The following MBIP variants were observed in gnomAD, a reference collection of about 807,000 sequenced individuals.
The protein encoded by MBIP is MAP3K12 binding inhibitory protein 1.
In MBIP, 32 loss-of-function variants were observed where a neutral mutation model predicts 45.7. That is an observed-to-expected ratio of 0.70 (90% confidence interval 0.53 to 0.94). The LOEUF is 0.94. Among genes scored for constraint, MBIP ranks in the 40% least tolerant of loss-of-function variants. The pLI is 0.00. For missense variants in MBIP, 381 were observed against 405.5 expected (o/e 0.94, Z 0.52); for synonymous variants, 145 against 141.0 (o/e 1.03, Z -0.20).
At chr14:36,299,706 T>A (rs1879421684) in intron 8 of MBIP, among the ~76,000 whole-genome samples, 1 of 152,192 alleles carries the variant, frequency 6.6e-6, no homozygotes, top group African/African-American at 2.4e-5. Context: ...AAAAAAATCA[T>A]TTGAGACATC....
intron 8 of MBIP, among the ~76,000 whole-genome samples, chr14:36,300,072 A>C (rs1879444208): frequency 6.6e-6 from 1 of 152,200 alleles, no homozygotes; most frequent in Non-Finnish European, 1.5e-5. Context: ...TTGTATTTTT[A>C]AAGCAGCAAC....
chr14:36,312,738 T>C (rs891624272), intron 4 of MBIP, among the ~76,000 whole-genome samples: 2 of 152,182 alleles, frequency 1.3e-5, no homozygotes, highest in African/African-American at 4.8e-5. Context: ...TGGAAAGATG[T>C]TAACATATAA....
At chr14:36,302,324 C>T (rs984309646) in intron 7 of MBIP, among the ~76,000 whole-genome samples, 1 of 151,974 alleles carries the variant, frequency 6.6e-6, no homozygotes, top group Non-Finnish European at 1.5e-5. Flanking sequence ...AACCCAGTCT[C>T]TACTAAAAAC....
intron 4 of MBIP, among the ~76,000 whole-genome samples, chr14:36,312,342 AT>A (rs1348132731): frequency 6.6e-6 from 1 of 152,170 alleles, no homozygotes; most frequent in African/African-American, 2.4e-5. Flanking sequence ...ATAATCTACC[AT>A]AGAGTATTTA....
intron 1 of MBIP, among the ~76,000 whole-genome samples, chr14:36,318,186 C>CTA (rs1880689571): frequency 6.6e-6 from 1 of 151,964 alleles, no homozygotes; most frequent in Non-Finnish European, 1.5e-5. Context: ...TCAAGGAGAT[C>CTA]TATAGTTGAT....
intron 4 of MBIP, among the ~76,000 whole-genome samples, chr14:36,312,617 G>A (rs1880275878): frequency 6.6e-6 from 1 of 151,944 alleles, no homozygotes; most frequent in African/African-American, 2.4e-5. Context: ...TTTCAAAAAA[G>A]TTTCATTTTA....
At position 36,314,601 on chromosome 14, in the gene MBIP, CT is replaced by C. The variant is rs1208710688; in HGVS notation, c.481del (p.Arg161AspfsTer51). 1.2e-6 allele frequency: 2 copies of C among 1,609,942 alleles called. No homozygotes were observed. The highest frequency in any genetic ancestry group is 2.7e-5 in the African/African-American group (2 of 74,694). On this transcript the variant is annotated frameshift_variant, in exon 4 of 9. Transcript: ENST00000416007. LOFTEE classifies it high-confidence loss of function. ...QIKAGKAEID[R>X]RISAFIERKQ... ...TCTTTCAATAAATGCAGATATTCGT[CT>C]GTCAATCTACAAACAACAAGTTTTA... is the stretch of plus-strand genomic sequence containing the variant.
chr14:36,300,791 TG>T lies in MBIP; in HGVS notation c.920del (p.Pro307HisfsTer70). On this transcript the variant is annotated frameshift_variant, in exon 8 of 9. Coordinates refer to ENST00000416007, the MANE Select transcript of MBIP (RefSeq NM_016586.3). LOFTEE classifies it high-confidence loss of function. ...SFSGKRRKVQ[P>X]PQQNYSLAEL... ...TGAAAATGCAGTAACTTACTTGAGGTGGTTGAACTTTTCTTCTTTTTCCAGA... is the reference window on the plus strand; with the variant it reads ...TGAAAATGCAGTAACTTACTTGAGGTGTTGAACTTTTCTTCTTTTTCCAGA... The T allele has an allele frequency of 6.4e-7, 1 of 1,556,970 alleles. No homozygotes were observed. Among genetic ancestry groups the T allele is most frequent in the African/African-American group, 1.4e-5 (1 of 72,238 alleles).
At chr14:36,317,226 G>T (rs923777564) in intron 1 of MBIP, among the ~76,000 whole-genome samples, 1 of 152,122 alleles carries the variant, frequency 6.6e-6, no homozygotes, top group African/African-American at 2.4e-5. Context: ...AGTGTTTTGT[G>T]AAAGTTTTAA....
At chr14:36,312,203 A>C (rs1048529507) in intron 4 of MBIP, among the ~76,000 whole-genome samples, 179 bp from the exon 5 acceptor site, 2 of 152,100 alleles carry the variant, frequency 1.3e-5, no homozygotes, top group African/African-American at 4.8e-5. Context: ...TTTACCTGTC[A>C]AAATTTATCA....
At chr14:36,305,303 G>A (rs1292121944) in intron 7 of MBIP, 3 of 152,144 alleles carry the variant, frequency 2.0e-5, no homozygotes, top group African/African-American at 4.8e-5. Flanking sequence ...ATGTTCACAG[G>A]CCTAAAGGAC....
chr14:36,316,849 C>T, intron 1 of MBIP, 37 bp from the exon 2 acceptor site: 1 of 1,582,112 alleles, frequency 6.3e-7, no homozygotes, highest in Non-Finnish European at 8.6e-7. Flanking sequence ...ACAAAAATTA[C>T]ACGATTAAGC....
rs1879349739 is a variant in MBIP at position 36,298,714 on chromosome 14, C to A, written c.*369G>T. 1 of 162,224 alleles carries A rather than the reference C, an allele frequency of 6.2e-6. No homozygotes were observed. Among genetic ancestry groups the A allele is most frequent in the African/African-American group, 2.4e-5 (1 of 41,644 alleles). 10.0% of individuals were successfully genotyped at this position (162,224 alleles called of 1,614,324 possible). The stretch of plus-strand genomic sequence containing the variant: ...CAAAGTACTGATTTAAACTAATAAA[C>A]TGGTTAACATCAATGTTACAAATAT... On this transcript the variant is annotated 3_prime_UTR_variant, in exon 9 of 9. Coordinates refer to ENST00000416007, the MANE Select transcript of MBIP (RefSeq NM_016586.3).
chr14:36,314,725 G>A lies in MBIP; in HGVS notation c.440C>T (p.Pro147Leu). The A allele has an allele frequency of 6.2e-7, 1 of 1,613,444 alleles. No homozygotes were observed. The highest frequency in any genetic ancestry group is 8.5e-7 in the Non-Finnish European group (1 of 1,179,674). ...TCCAGCCTTTATCTGAACTACTTCT[G>A]GATCAAAATGGATCTGTGTCTTTTT... ...DVKKTQIHFD[P>L]EVVQIKAGKA... The change falls in exon 3 of 9, where the codon CCA (proline) becomes CTA (leucine). Residue 147 changes from proline (P) to leucine (L), a missense_variant. Pro to Leu is a moderately conservative substitution (Grantham distance 98, BLOSUM62 -3). Coordinates refer to ENST00000416007, the MANE Select transcript of MBIP (RefSeq NM_016586.3).
At position 36,308,116 on chromosome 14, in the gene MBIP, G is replaced by C; in HGVS notation, c.864C>G (p.Ile288Met). The change falls in exon 7 of 9, where the codon ATC becomes ATG. Residue 288 changes from isoleucine (I) to methionine (M), a missense_variant. Ile to Met is a conservative substitution (Grantham distance 10). Coordinates refer to ENST00000416007, the MANE Select transcript of MBIP (RefSeq NM_016586.3). ...CTACAGACTGAAAATATTCAGGAGA[G>C]ATGCCTTCCAATTCAAGGATTTTAT... Reference protein sequence around the residue: ...LEDKILELEGISPEYFQSVSF... With the variant: ...LEDKILELEGMSPEYFQSVSF... 1 of 1,591,350 alleles carries C rather than the reference G, an allele frequency of 6.3e-7. No homozygotes were observed. The highest frequency in any genetic ancestry group is 8.6e-7 in the Non-Finnish European group (1 of 1,162,178).
intron 1 of MBIP, among the ~76,000 whole-genome samples, chr14:36,317,534 G>T (rs986616565): frequency 7.2e-5 from 11 of 152,086 alleles, no homozygotes; most frequent in African/African-American, 2.7e-4. Context: ...ATGCTAAGAT[G>T]TGACAGCTCA....
chr14:36,312,457 G>T (rs1880268454), intron 4 of MBIP, among the ~76,000 whole-genome samples: 1 of 152,000 alleles, frequency 6.6e-6, no homozygotes. Flanking sequence ...CCAACAAAAA[G>T]AATTATTTAA....
intron 2 of MBIP, among the ~76,000 whole-genome samples, chr14:36,315,255 A>G (rs1880499299): frequency 6.6e-6 from 1 of 152,148 alleles, no homozygotes; most frequent in South Asian, 2.1e-4. Context: ...CAAAGCCTTC[A>G]GCCTCTGGCA....
intron 8 of MBIP, among the ~76,000 whole-genome samples, chr14:36,299,477 C>G (rs985012945): frequency 1.4e-5 from 2 of 147,792 alleles, no homozygotes; most frequent in African/African-American, 5.0e-5. Flanking sequence ...AAAAAAAAAG[C>G]CTGATTATTA....
Sources: gnomAD v4.1 joint callset for allele counts (sites outside exome capture counted in the v4.1 genomes callset) on GRCh38, gnomAD v4.1.1 for gene constraint, MANE v1.5 for transcripts, NCBI Gene and HGNC (gene_info 2026-07-23, HGNC 2026-07-21) for gene names.